The following PCDH9 variants were observed in gnomAD, a reference collection of about 807,000 sequenced individuals.
PCDH9 encodes the protein protocadherin 9, also known as protocadherin-9.
Under a neutral mutation model 70.6 loss-of-function variants are expected in PCDH9, and 24 were observed. The ratio of observed to expected loss-of-function variants is 0.34; its 90% CI spans 0.25 to 0.48. PCDH9 has a LOEUF of 0.48. PCDH9 is among the 20% of genes least tolerant of loss of function. PCDH9 has a pLI of 0.99. For synonymous variants in PCDH9, 562 were observed against 558.5 expected, an observed-to-expected ratio of 1.01 and a Z score of -0.09; for missense variants, 1,281 against 1,503.6, an observed-to-expected ratio of 0.85 and a Z score of 2.45.
chr13:67,129,490 T>G (rs1360479702), intron 2 of PCDH9, among the ~76,000 whole-genome samples: 1 of 152,126 alleles, frequency 6.6e-6, no homozygotes, highest in Non-Finnish European at 1.5e-5. Flanking sequence ...CCAGGATTTT[T>G]GGGCCTTTTT....
intron 4 of PCDH9, among the ~76,000 whole-genome samples, chr13:66,610,674 T>C (rs937504743): frequency 3.3e-5 from 5 of 152,188 alleles, no homozygotes; most frequent in Non-Finnish European, 5.9e-5. Flanking sequence ...GAGTTACTGT[T>C]AGGTATTCTG....
chr13:66,781,998 T>G (rs1486554886), intron 3 of PCDH9, among the ~76,000 whole-genome samples: 4 of 152,138 alleles, frequency 2.6e-5, no homozygotes, highest in Admixed American at 2.6e-4. Flanking sequence ...TAAGATGCTT[T>G]AATTATTTTG....
chr13:66,440,187 T>A (rs1043640096), intron 4 of PCDH9, among the ~76,000 whole-genome samples: 1 of 152,154 alleles, frequency 6.6e-6, no homozygotes, highest in Non-Finnish European at 1.5e-5. Flanking sequence ...AGCATGTGCT[T>A]TCATATGCCA....
At chr13:66,733,908 T>C (rs2079109354) in intron 3 of PCDH9, among the ~76,000 whole-genome samples, 1 of 152,178 alleles carries the variant, frequency 6.6e-6, no homozygotes, top group Non-Finnish European at 1.5e-5. Context: ...ATTCAGACTA[T>C]ATATCTGTGC....
At chr13:67,005,880 A>G (rs765663253) in intron 2 of PCDH9, among the ~76,000 whole-genome samples, 9 of 152,196 alleles carry the variant, frequency 5.9e-5, no homozygotes, top group Non-Finnish European at 1.3e-4. Flanking sequence ...TGGCCTTTTT[A>G]GATGACTAAT....
At chr13:66,631,972 C>A (rs969086798) in intron 3 of PCDH9, among the ~76,000 whole-genome samples, 2 of 152,190 alleles carry the variant, frequency 1.3e-5, no homozygotes, top group African/African-American at 2.4e-5. Flanking sequence ...TGGCTCACTG[C>A]AACTTCTGCC....
At chr13:67,068,081 A>G (rs909375174) in intron 2 of PCDH9, among the ~76,000 whole-genome samples, 1 of 152,142 alleles carries the variant, frequency 6.6e-6, no homozygotes, top group Admixed American at 6.6e-5. Flanking sequence ...TATAATAAAT[A>G]TAAGTCGATG....
At chr13:66,388,204 A>G (rs1305806898) in intron 4 of PCDH9, among the ~76,000 whole-genome samples, 1 of 152,194 alleles carries the variant, frequency 6.6e-6, no homozygotes, top group Non-Finnish European at 1.5e-5. Context: ...CTTCCAGACT[A>G]AAAGGAATGG....
At chr13:66,794,689 C>T (rs1234930449) in intron 3 of PCDH9, among the ~76,000 whole-genome samples, 1 of 152,094 alleles carries the variant, frequency 6.6e-6, no homozygotes, top group Non-Finnish European at 1.5e-5. Flanking sequence ...GACCTTAACT[C>T]TCCTGCTGTC....
intron 2 of PCDH9, among the ~76,000 whole-genome samples, chr13:67,004,586 AAG>A (rs1481136784): frequency 1.7e-4 from 26 of 151,960 alleles, no homozygotes; most frequent in Non-Finnish European, 2.5e-4. Context: ...GAAAGAAAGA[AAG>A]AAATGTATAG....
chr13:66,641,407 A>G (rs2077707000), intron 3 of PCDH9, among the ~76,000 whole-genome samples: 1 of 152,206 alleles, frequency 6.6e-6, no homozygotes, highest in Non-Finnish European at 1.5e-5. Context: ...ATTTGTATGG[A>G]GAAAGTGCAT....
chr13:66,709,051 C>T (rs1593930280), intron 3 of PCDH9, among the ~76,000 whole-genome samples: 1 of 152,128 alleles, frequency 6.6e-6, no homozygotes, highest in East Asian at 1.9e-4. Flanking sequence ...ATAAGATAGT[C>T]TTCAGGCTTT....
At chr13:66,704,898 A>G (rs1367092670) in intron 3 of PCDH9, among the ~76,000 whole-genome samples, 3 of 152,182 alleles carry the variant, frequency 2.0e-5, no homozygotes, top group Non-Finnish European at 4.4e-5. Context: ...TAAAATAGTC[A>G]TATAACAAAA....
rs201382403 is a variant in PCDH9, at chr13:67,041,544, GTCT to G, written c.3037-137942_3037-137940del. ...AAACAGGTACCCTAAGACTGTACCTGTCTATGGCCAGGTGCAGTGGCTCACGCC... is the reference window on the plus strand; with the variant it reads ...AAACAGGTACCCTAAGACTGTACCTGATGGCCAGGTGCAGTGGCTCACGCC... On this transcript the variant is annotated intron_variant, in intron 2 of 4. Coordinates refer to ENST00000377865, the MANE Select transcript of PCDH9 (RefSeq NM_203487.3). 2.2e-3 allele frequency among the ~76,000 whole-genome samples: 329 copies of G among 152,178 alleles called. 4 individuals are homozygous for G. The East Asian group carries it at 0.029, about 13-fold the overall frequency.
At chr13:66,479,184 C>T (rs1958790808) in intron 4 of PCDH9, among the ~76,000 whole-genome samples, 2 of 152,156 alleles carry the variant, frequency 1.3e-5, no homozygotes, top group Admixed American at 6.6e-5. Context: ...CTATTTCAAG[C>T]CCACCATTGA....
intron 4 of PCDH9, among the ~76,000 whole-genome samples, chr13:66,531,054 G>C (rs1960430097): frequency 6.6e-6 from 1 of 151,102 alleles, no homozygotes; most frequent in Admixed American, 6.6e-5. Context: ...TAAGAAAAAG[G>C]ATTTTTAAAA....
At chr13:66,681,507 A>G (rs763682699) in intron 3 of PCDH9, among the ~76,000 whole-genome samples, 1 of 151,976 alleles carries the variant, frequency 6.6e-6, no homozygotes, top group African/African-American at 2.4e-5. Context: ...TGCAGCCTCC[A>G]TCTGTATTGT....
intron 2 of PCDH9, among the ~76,000 whole-genome samples, chr13:67,134,617 A>G (rs543338740): frequency 5.3e-5 from 8 of 152,178 alleles, no homozygotes; most frequent in African/African-American, 1.7e-4. Context: ...TTCTTTTTAA[A>G]TACAAAAGCA....
At chr13:66,544,422 G>A (rs1042254227) in intron 4 of PCDH9, among the ~76,000 whole-genome samples, 1 of 152,184 alleles carries the variant, frequency 6.6e-6, no homozygotes, top group African/African-American at 2.4e-5. Context: ...ATATATGAAA[G>A]TGATGCAGGC....
Sources: allele counts gnomAD v4.1 joint callset (sites outside exome capture counted in the v4.1 genomes callset), GRCh38; gene constraint gnomAD v4.1.1; transcripts MANE v1.5; gene names NCBI Gene and HGNC (gene_info 2026-07-23, HGNC 2026-07-21).